PICK1: variants seen among roughly 807,000 people sequenced by gnomAD.
PICK1 encodes PRKCA-binding protein.
In PICK1, 23 loss-of-function variants were observed where a neutral mutation model predicts 48.9. The ratio of observed to expected loss-of-function variants is 0.47; its 90% CI spans 0.34 to 0.67. The LOEUF is 0.67. Ranked by LOEUF, PICK1 falls within the 30% of genes least tolerant of loss-of-function variation. The probability of loss-of-function intolerance (pLI) is 0.01; values close to 1 mark genes in which losing one functional copy is unlikely to be tolerated. For missense variants in PICK1, 423 were observed against 557.1 expected (o/e 0.76, Z 2.42); for synonymous variants, 217 against 228.2 (o/e 0.95, Z 0.44).
At chr22:38,057,909 CT>C in intron 2 of PICK1, 59 bp downstream of exon 2, 1 of 1,362,558 alleles carries the variant, frequency 7.3e-7, no homozygotes, top group South Asian at 1.2e-5. Context: ...CCTCATTTCC[CT>C]GGACTTCCCA....
intron 6 of PICK1, 58 bp downstream of exon 6, chr22:38,069,180 TG>T (rs2085611679): frequency 7.8e-7 from 1 of 1,275,404 alleles, no homozygotes; most frequent in Admixed American, 1.9e-5. Flanking sequence ...CTGAGAAGAG[TG>T]GGGGGCACCA....
Position 38,073,128 on chromosome 22 carries a change from C to T in PICK1, c.783+36C>T, listed in dbSNP as rs757107354. ...CAGGTGCCCAGGCTGCTAGGGCAAGCGCCCACCCTGGAGATCTGCCCCACT... is the reference window on the plus strand; with the variant it reads ...CAGGTGCCCAGGCTGCTAGGGCAAGTGCCCACCCTGGAGATCTGCCCCACT... On this transcript the variant is annotated intron_variant, in intron 10 of 12. Transcript: ENST00000356976. The surrounding 1 kb of genome is among the most constrained non-coding windows in gnomAD (Gnocchi z 5.7). 4.4e-5 allele frequency: 60 copies of T among 1,372,168 alleles called. No individual in the cohort carries two copies. Among genetic ancestry groups the T allele is most frequent in the Middle Eastern group, 1.8e-4 (1 of 5,642 alleles). 85.0% of individuals were successfully genotyped at this position (1,372,168 alleles called of 1,614,324 possible).
chr22:38,071,840 T>A, intron 8 of PICK1, 96 bp downstream of exon 8: 1 of 1,037,096 alleles, frequency 9.6e-7, no homozygotes, highest in Non-Finnish European at 1.5e-6. Flanking sequence ...GCGCCTGACC[T>A]CAGGCTCCCT....
chr22:38,065,072 G>T lies in PICK1; in HGVS notation c.224G>T (p.Gly75Val). 2 of 1,614,118 alleles carry T rather than the reference G, an allele frequency of 1.2e-6. No individual in the cohort carries two copies. The highest frequency in any genetic ancestry group is 1.7e-6 in the Non-Finnish European group (2 of 1,180,006). The change falls in exon 4 of 13, where the codon GGC becomes GTC. Residue 75 changes from glycine (G) to valine (V), a missense_variant. This residue lies in a region of PICK1 where 279 missense variants were observed against 417.8 expected (regional missense o/e 0.67). Coordinates refer to ENST00000356976, the MANE Select transcript of PICK1 (RefSeq NM_012407.4). Reference protein sequence around the residue: ...AAGDEITGVNGRSIKGKTKVE... With the variant: ...AAGDEITGVNVRSIKGKTKVE... ...GGCGATGAGATCACCGGTGTCAATG[G>T]CAGGTCAATCAAAGGGAAAACTAAG...
chr22:38,067,673 G>T, intron 4 of PICK1, 31 bp from the exon 5 acceptor site: 1 of 1,600,492 alleles, frequency 6.2e-7, no homozygotes, highest in South Asian at 1.1e-5. Flanking sequence ...GTGGAGCCTC[G>T]CTCACTAGTC....
chr22:38,063,532 G>C (rs1400672517), intron 3 of PICK1, among the ~76,000 whole-genome samples: 1 of 151,936 alleles, frequency 6.6e-6, no homozygotes, highest in Non-Finnish European at 1.5e-5. Context: ...AGAAAAAAGA[G>C]TTTTAGGAAT....
chr22:38,064,160 C>T (rs1373836914), intron 3 of PICK1, among the ~76,000 whole-genome samples: 1 of 151,932 alleles, frequency 6.6e-6, no homozygotes, highest in Non-Finnish European at 1.5e-5. Flanking sequence ...CAGGTTCAAG[C>T]GATTCTCCTG....
chr22:38,063,592 A>G (rs149717374), intron 3 of PICK1, among the ~76,000 whole-genome samples: 87 of 151,278 alleles, frequency 5.8e-4, no homozygotes, highest in African/African-American at 2.1e-3. Flanking sequence ...TGATTTGCAA[A>G]TATTTTCTCC....
chr22:38,064,349 C>T (rs1049146759), intron 3 of PICK1, among the ~76,000 whole-genome samples: 3 of 152,156 alleles, frequency 2.0e-5, no homozygotes, highest in Admixed American at 6.5e-5. Flanking sequence ...TGAGCCACTG[C>T]GCCTGGCCTT....
intron 2 of PICK1, among the ~76,000 whole-genome samples, chr22:38,058,362 A>G (rs373082318): frequency 6.6e-6 from 1 of 152,228 alleles, no homozygotes; most frequent in East Asian, 1.9e-4. Flanking sequence ...TAAGTGAATC[A>G]GCGTGAGTAC....
rs144230832 is a variant in PICK1 at position 38,059,268 on chromosome 22, C to G, written c.76C>G (p.Gln26Glu). 31 of 1,584,796 alleles carry G rather than the reference C, an allele frequency of 2.0e-5. No homozygotes were observed. The highest frequency in any genetic ancestry group is 2.6e-5 in the Non-Finnish European group (30 of 1,164,940). Residue 26 changes from glutamine to glutamate, a missense_variant, in exon 3 of 13, where the codon CAG becomes GAG. By Grantham distance (29) the Gln-to-Glu change is conservative (BLOSUM62 2). This residue lies in a region of PICK1 where 279 missense variants were observed against 417.8 expected (regional missense o/e 0.67). Transcript: ENST00000356976. ...GACTGTGCCTGGGAAGGTGACCCTG[C>G]AGAAGGATGCTCAGAACCTGATCGG... ...IPTVPGKVTLQKDAQNLIGIS... is the reference protein window; with the variant it reads ...IPTVPGKVTLEKDAQNLIGIS...
chr22:38,068,478 A>G (rs1476798071), intron 5 of PICK1, among the ~76,000 whole-genome samples: 1 of 152,178 alleles, frequency 6.6e-6, no homozygotes, highest in Non-Finnish European at 1.5e-5. Context: ...CCAGAGGCCA[A>G]GGGGCTAAGG....
At chr22:38,071,937 G>T in intron 8 of PICK1, 193 bp downstream of exon 8, 1 of 649,972 alleles carries the variant, frequency 1.5e-6, no homozygotes. Flanking sequence ...GGGCCGCAAC[G>T]ATGAACAGGC....
At chr22:38,063,467 T>C (rs5995534) in intron 3 of PICK1, among the ~76,000 whole-genome samples, 4,501 of 152,086 alleles carry the variant, frequency 0.03, 232 homozygotes, top group African/African-American at 0.1. Flanking sequence ...TGTTTGGTTT[T>C]TGTTGTTGAG....
intron 2 of PICK1, 174 bp downstream of exon 2, chr22:38,058,024 G>T: frequency 1.4e-6 from 1 of 691,128 alleles, no homozygotes; most frequent in Non-Finnish European, 2.7e-6. Context: ...GCTGTGGACA[G>T]TTAAAGGGAT....
chr22:38,074,441 C>T lies in PICK1; in HGVS notation c.969C>T (p.Asp323=). ...TGCTGGAGAAGATGGAGCTGCTGGA[C>T]CAGAAGCACGGTGAGCGCCGCCCTC... ...KDVLEKMELL[D]QKHVQDIVFQ... The change falls in exon 12 of 13, where the codon GAC becomes GAT. Residue 323 remains aspartate (D), a synonymous_variant. Transcript: ENST00000356976. This position sits in a 1 kb window ranked among gnomAD's most constrained non-coding sequence, Gnocchi z 4.5. 1 of 1,613,158 alleles carries T rather than the reference C, an allele frequency of 6.2e-7. No homozygotes were observed. The highest frequency in any genetic ancestry group is 1.1e-5 in the South Asian group (1 of 91,082).
rs376194921 is a variant in PICK1 at position 38,074,292 on chromosome 22, C to T, written c.835-15C>T. ...CCGTCCCTGAGCAGGCACTCCTGTC[C>T]CACCCCCGCCCCAGGCCCTAGGCGA... On this transcript the variant is annotated splice_polypyrimidine_tract_variant and intron_variant, in intron 11 of 12. Transcript: ENST00000356976. This position sits in a 1 kb window ranked among gnomAD's most constrained non-coding sequence, Gnocchi z 4.5. The T allele has an allele frequency of 4.4e-6, 7 of 1,605,046 alleles. No homozygotes were observed. Among genetic ancestry groups the T allele is most frequent in the South Asian group, 3.3e-5 (3 of 90,936 alleles).
chr22:38,063,196 G>GCC (rs2145862943), intron 3 of PICK1, among the ~76,000 whole-genome samples: 1 of 149,722 alleles, frequency 6.7e-6, no homozygotes, highest in Non-Finnish European at 1.5e-5. Context: ...TTGCTCTGTC[G>GCC]CCCAGGCTGG....
chr22:38,072,140 T>G lies in PICK1; in HGVS notation c.557-337T>G, dbSNP rs1286143446. 6.0e-6 allele frequency: 3 copies of G among 500,672 alleles called. No homozygotes were observed. The East Asian group carries it at 1.1e-4, about 19-fold the overall frequency. The allele number at this position is 500,672 out of a possible 1,614,324, so 31.0% of individuals were successfully genotyped here. ...GTTGTTCCAATCCAGGTGTCTAGAC[T>G]CGGACCAGTGTTCTGCCTCAGGCGG... On this transcript the variant is annotated intron_variant, in intron 8 of 12. Transcript: ENST00000356976.
Sources: allele counts gnomAD v4.1 joint callset (sites outside exome capture counted in the v4.1 genomes callset), GRCh38; gene constraint gnomAD v4.1.1; regional missense constraint gnomAD v4.1.1; non-coding constraint Gnocchi (gnomAD v3.1); transcripts MANE v1.5; gene names NCBI Gene and HGNC (gene_info 2026-07-23, HGNC 2026-07-21).